Variants in RGS3 observed in about 807,000 individuals in gnomAD.
RGS3 encodes the protein regulator of G protein signaling 3.
Under a neutral mutation model 132.6 loss-of-function variants are expected in RGS3, and 80 were observed. The ratio of observed to expected loss-of-function variants is 0.60; its 90% CI spans 0.50 to 0.73. The LOEUF (loss-of-function observed/expected upper bound fraction) is 0.73. RGS3 is among the 30% of genes least tolerant of loss of function. RGS3 has a pLI of 0.00. For synonymous variants in RGS3, 598 were observed against 620.6 expected, an observed-to-expected ratio of 0.96 and a Z score of 0.54; for missense variants, 1,382 against 1,530.8, an observed-to-expected ratio of 0.90 and a Z score of 1.62.
At chr9:113,447,351 A>G (rs1483699713) in intron 1 of RGS3, among the ~76,000 whole-genome samples, 2 of 112,830 alleles carry the variant, frequency 1.8e-5, no homozygotes, top group Admixed American at 8.9e-5. Flanking sequence ...ATATATATAT[A>G]TATATATATA....
chr9:113,537,925 C>T lies in RGS3; in HGVS notation c.2037+1007C>T, dbSNP rs574466523. Reference sequence around the variant, plus strand: ...GAAAGGAGTGAGGATCTGAGAATTACATCATCTTAGCTGTGAACGTTCTCT... The same window carrying T: ...GAAAGGAGTGAGGATCTGAGAATTATATCATCTTAGCTGTGAACGTTCTCT... On this transcript the variant is annotated intron_variant, in intron 19 of 24. Transcript: ENST00000350696. This position sits in a 1 kb window ranked among gnomAD's most constrained non-coding sequence, Gnocchi z 4.3. Among the ~76,000 whole-genome samples, 5 of 152,216 alleles carry T rather than the reference C, an allele frequency of 3.3e-5. No individual in the cohort carries two copies. The South Asian group carries it at 8.3e-4, about 25-fold the overall frequency.
At chr9:113,588,396 A>G (rs1341269021) in intron 20 of RGS3, among the ~76,000 whole-genome samples, 1 of 152,230 alleles carries the variant, frequency 6.6e-6, no homozygotes, top group Non-Finnish European at 1.5e-5. Flanking sequence ...GAGGGCAGCC[A>G]TGGATGGCCA....
rs866386342 is a variant in RGS3 at position 113,542,914 on chromosome 9, C to T, written c.2037+5996C>T. Among the ~76,000 whole-genome samples the T allele has an allele frequency of 2.6e-5, 4 of 152,188 alleles. No individual in the cohort carries two copies. The East Asian group carries it at 7.7e-4, about 29-fold the overall frequency. The stretch of plus-strand genomic sequence containing the variant: ...GGCCAGGGACTGGGCTGGGGGTGGC[C>T]TAGCAGCTCTAGTGGAGACTGTGCT... On this transcript the variant is annotated intron_variant, in intron 19 of 24. Transcript: ENST00000350696.
At chr9:113,514,484 T>C in exon 15 of RGS3, 1 of 1,614,124 alleles carries the variant, frequency 6.2e-7, no homozygotes, top group Non-Finnish European at 8.5e-7. Flanking sequence ...TAAAGGGAAG[T>C]CCTACACAGG....
chr9:113,493,712 C>T (rs955402586), intron 7 of RGS3, among the ~76,000 whole-genome samples: 20 of 152,156 alleles, frequency 1.3e-4, no homozygotes, highest in African/African-American at 4.8e-4. Context: ...GGCAGGATAC[C>T]CTGGAGAGCT....
chr9:113,451,536 A>G (rs1206118166), intron 1 of RGS3, among the ~76,000 whole-genome samples: 2 of 152,206 alleles, frequency 1.3e-5, no homozygotes, highest in African/African-American at 2.4e-5. Context: ...ACATATCTAT[A>G]TTATTTTCTT....
chr9:113,552,582 T>C (rs139189279), intron 19 of RGS3, among the ~76,000 whole-genome samples: 3 of 152,342 alleles, frequency 2.0e-5, no homozygotes, highest in African/African-American at 4.8e-5. Flanking sequence ...CCTCCCAAAG[T>C]ATTTATTCTT....
exon 24 of RGS3, chr9:113,595,742 A>G (rs1467474531): frequency 1.9e-6 from 3 of 1,614,060 alleles, no homozygotes; most frequent in South Asian, 1.1e-5. Context: ...TGCTGAATAC[A>G]TCGCGATCCA....
At chr9:113,508,045 C>G (rs187997872) in intron 13 of RGS3, among the ~76,000 whole-genome samples, 426 of 152,274 alleles carry the variant, frequency 2.8e-3, no homozygotes, top group Non-Finnish European at 4.8e-3. Context: ...CCATGAGATG[C>G]TCTGGGAAAA....
chr9:113,447,361 A>ATATATG (rs1554751008), intron 1 of RGS3, among the ~76,000 whole-genome samples: 3 of 118,420 alleles, frequency 2.5e-5, no homozygotes, highest in Non-Finnish European at 5.3e-5. Context: ...ATATATATAT[A>ATATATG]GGCAAGGGTT....
chr9:113,501,660 G>T (rs1254896973), intron 10 of RGS3: 1 of 1,551,728 alleles, frequency 6.4e-7, no homozygotes, highest in Non-Finnish European at 8.7e-7. Context: ...TGGGGAGCCT[G>T]TGGGGTGTTC....
chr9:113,483,043 C>T lies in RGS3; in HGVS notation c.467-16C>T, dbSNP rs761186075. On this transcript the variant is annotated splice_polypyrimidine_tract_variant and intron_variant, in intron 4 of 24. Transcript: ENST00000350696. Reference sequence around the variant, plus strand: ...TGTTTCCATTCATCCACCCCAATGTCTGAATTCTCTTTTAGTTATAGAAGG... The same window carrying T: ...TGTTTCCATTCATCCACCCCAATGTTTGAATTCTCTTTTAGTTATAGAAGG... The T allele has an allele frequency of 7.4e-6, 12 of 1,613,898 alleles. No individual in the cohort carries two copies. In the South Asian group the frequency reaches 9.9e-5, roughly 13 times the overall value.
At chr9:113,517,194 G>T (rs1023585519) in intron 15 of RGS3, 3 of 492,760 alleles carry the variant, frequency 6.1e-6, no homozygotes, top group South Asian at 3.1e-5. Flanking sequence ...GGGGATGGCG[G>T]GGGCTGGGAG....
intron 20 of RGS3, among the ~76,000 whole-genome samples, chr9:113,586,000 G>A (rs911782778): frequency 6.6e-6 from 1 of 152,192 alleles, no homozygotes; most frequent in Admixed American, 6.5e-5. Flanking sequence ...ACCAAGGGGA[G>A]GTAATTAATA....
At chr9:113,595,006 C>T (rs1478399659) in intron 23 of RGS3, 26 bp downstream of exon 21, 4 of 1,608,318 alleles carry the variant, frequency 2.5e-6, no homozygotes, top group East Asian at 2.2e-5. Context: ...CTGCCCACTC[C>T]CTGTGCCCTC....
At chr9:113,571,128 C>T (rs12686023) in intron 19 of RGS3, among the ~76,000 whole-genome samples, 1,809 of 152,300 alleles carry the variant, frequency 0.012, 67 homozygotes, top group East Asian at 0.12. Flanking sequence ...TATGAATATA[C>T]CGCCACAGTT....
chr9:113,465,585 C>G (rs1351665431), intron 3 of RGS3, among the ~76,000 whole-genome samples: 1 of 151,920 alleles, frequency 6.6e-6, no homozygotes, highest in Non-Finnish European at 1.5e-5. Flanking sequence ...GTGAATATTT[C>G]CTTGCATTGG....
intron 14 of RGS3, among the ~76,000 whole-genome samples, chr9:113,513,052 C>T (rs1315234738): frequency 6.6e-6 from 1 of 151,966 alleles, no homozygotes; most frequent in Non-Finnish European, 1.5e-5. Flanking sequence ...CAAAATTAGC[C>T]GGGCGTGGTG....
At chr9:113,527,588 C>T (rs369720571) in intron 17 of RGS3, among the ~76,000 whole-genome samples, 7 of 152,174 alleles carry the variant, frequency 4.6e-5, no homozygotes, top group African/African-American at 9.7e-5. Context: ...TCCCTAAGTC[C>T]GAAGTGAACC....
Sources: gnomAD v4.1 joint callset for allele counts (sites outside exome capture counted in the v4.1 genomes callset) on GRCh38, gnomAD v4.1.1 for gene constraint, Gnocchi (gnomAD v3.1) non-coding constraint, MANE v1.5 for transcripts, NCBI Gene and HGNC (gene_info 2026-07-23, HGNC 2026-07-21) for gene names.